The following CSMD1 variants were observed in gnomAD, a reference collection of about 807,000 sequenced individuals.
CSMD1 encodes the protein CUB and sushi domain-containing protein 1.
CSMD1 carries 213 observed loss-of-function variants against 417.5 expected under a neutral mutation model. The observed-to-expected ratio is 0.51, with a 90% CI of 0.46 to 0.57. The LOEUF is 0.57. Ranked by LOEUF, CSMD1 falls within the 20% of genes least tolerant of loss-of-function variation. The probability of loss-of-function intolerance (pLI) is 0.00; values close to 1 mark genes in which losing one functional copy is unlikely to be tolerated. For missense variants in CSMD1, 6,923 were observed against 4,529.7 expected (o/e 1.53, Z -15.17); for synonymous variants, 2,862 against 1,736.8 (o/e 1.65, Z -16.11).
At chr8:3,723,081 G>C (rs1405550540) in intron 6 of CSMD1, among the ~76,000 whole-genome samples, 1 of 152,164 alleles carries the variant, frequency 6.6e-6, no homozygotes, top group Non-Finnish European at 1.5e-5. Flanking sequence ...GAGTCCTAAG[G>C]AAGAATCCTT....
chr8:4,044,090 C>G (rs1447059320), intron 3 of CSMD1, among the ~76,000 whole-genome samples: 1 of 151,984 alleles, frequency 6.6e-6, no homozygotes, highest in Non-Finnish European at 1.5e-5. Flanking sequence ...TTGCTTGTCT[C>G]TGTGATATTA....
At position 4,850,315 on chromosome 8, in the gene CSMD1, G is replaced by A. The variant is rs375538309; in HGVS notation, c.85+144017C>T. Reference sequence around the variant, plus strand: ...AACATTTTCTCCCATTCTACGGCTTGTGTTTTTACTGTCTTAATGGTCTCT... The same window carrying A: ...AACATTTTCTCCCATTCTACGGCTTATGTTTTTACTGTCTTAATGGTCTCT... On this transcript the variant is annotated intron_variant, in intron 1 of 69. Coordinates refer to ENST00000635120, the MANE Select transcript of CSMD1 (RefSeq NM_033225.6). Among the ~76,000 whole-genome samples, 7 of 141,670 alleles carry A rather than the reference G, an allele frequency of 4.9e-5. No homozygotes were observed. The East Asian group carries it at 1.3e-3, about 26-fold the overall frequency. The allele number at this position is 141,670 out of a possible 152,430, so 92.9% of individuals were successfully genotyped here.
chr8:3,679,224 C>A (rs535992466), intron 7 of CSMD1, among the ~76,000 whole-genome samples: 28 of 152,178 alleles, frequency 1.8e-4, no homozygotes, highest in East Asian at 7.7e-4. Context: ...GCTCCAATTA[C>A]AAGACGCAGA....
chr8:4,021,036 G>A (rs550382953), intron 4 of CSMD1, among the ~76,000 whole-genome samples: 1 of 152,146 alleles, frequency 6.6e-6, no homozygotes, highest in Non-Finnish European at 1.5e-5. Flanking sequence ...ACGTAAGTGA[G>A]AATAAAACCC....
intron 5 of CSMD1, among the ~76,000 whole-genome samples, chr8:3,789,260 TC>T (rs2129066713): frequency 6.6e-6 from 1 of 152,206 alleles, no homozygotes; most frequent in East Asian, 1.9e-4. Context: ...GTTTTGGACT[TC>T]CCAGCCTCCT....
intron 3 of CSMD1, among the ~76,000 whole-genome samples, chr8:4,256,964 G>T (rs190557393): frequency 3.2e-4 from 48 of 152,260 alleles, no homozygotes; most frequent in African/African-American, 1.1e-3. Flanking sequence ...CTAATCACAG[G>T]CTGGAGGTAT....
intron 5 of CSMD1, among the ~76,000 whole-genome samples, chr8:3,879,911 C>T (rs955993582): frequency 2.0e-5 from 3 of 152,020 alleles, no homozygotes; most frequent in Non-Finnish European, 1.5e-5. Context: ...TCCCCTATAA[C>T]GAAATAGTGC....
intron 17 of CSMD1, among the ~76,000 whole-genome samples, chr8:3,395,060 G>T (rs752736336): frequency 1.1e-4 from 16 of 152,304 alleles, no homozygotes; most frequent in Admixed American, 3.9e-4. Flanking sequence ...GGCTCAGGGA[G>T]AGGGTAACAA....
At chr8:4,209,934 G>T (rs1448499514) in intron 3 of CSMD1, among the ~76,000 whole-genome samples, 1 of 152,216 alleles carries the variant, frequency 6.6e-6, no homozygotes, top group East Asian at 1.9e-4. Flanking sequence ...ACGTCTGGGT[G>T]TTGCTATGAC....
At chr8:4,095,143 G>T (rs572703136) in intron 3 of CSMD1, among the ~76,000 whole-genome samples, 9 of 152,268 alleles carry the variant, frequency 5.9e-5, no homozygotes, top group Non-Finnish European at 1.0e-4. Flanking sequence ...AGGAAGAGAG[G>T]TAGGATGTGC....
intron 1 of CSMD1, among the ~76,000 whole-genome samples, chr8:4,840,032 T>A (rs1453459592): frequency 6.6e-6 from 1 of 152,156 alleles, no homozygotes; most frequent in Non-Finnish European, 1.5e-5. Flanking sequence ...AAAGCCTGGT[T>A]TGGGGTTCAC....
At chr8:3,688,251 T>C (rs1259370894) in intron 7 of CSMD1, among the ~76,000 whole-genome samples, 1 of 152,198 alleles carries the variant, frequency 6.6e-6, no homozygotes, top group East Asian at 1.9e-4. Flanking sequence ...TTATTCAAAA[T>C]TACAAATATT....
At chr8:2,997,510 T>C (rs960336487) in intron 54 of CSMD1, among the ~76,000 whole-genome samples, 1 of 152,170 alleles carries the variant, frequency 6.6e-6, no homozygotes, top group African/African-American at 2.4e-5. Flanking sequence ...GGAAAGTAAT[T>C]GAAATGAAAT....
chr8:3,118,564 C>G lies in CSMD1; in HGVS notation c.6265G>C (p.Asp2089His). ...TACCCATTCTGAAATGGGGGTGGAT[C>G]TGGACAGTTCTGTAATTCATAGGCT... The part of the protein sequence containing the change: ...YQAYELQNCP[D>H]PPPFQNGYMI... The change falls in exon 42 of 70, where the codon GAT (aspartate) becomes CAT (histidine). Residue 2089 changes from aspartate (D) to histidine (H), a missense_variant. Physicochemically the swap from Asp to His is moderately conservative, Grantham distance 81 (BLOSUM62 -1). Coordinates refer to ENST00000635120, the MANE Select transcript of CSMD1 (RefSeq NM_033225.6). The G allele has an allele frequency of 6.2e-7, 1 of 1,613,472 alleles. No homozygotes were observed. Among genetic ancestry groups the G allele is most frequent in the Non-Finnish European group, 8.5e-7 (1 of 1,179,762 alleles).
intron 3 of CSMD1, among the ~76,000 whole-genome samples, chr8:4,393,774 G>C (rs766730513): frequency 6.6e-6 from 1 of 152,134 alleles, no homozygotes; most frequent in Non-Finnish European, 1.5e-5. Context: ...AACAGAAAAA[G>C]CTGCAATCCT....
intron 7 of CSMD1, among the ~76,000 whole-genome samples, chr8:3,623,771 T>C (rs1300048732): frequency 4.0e-5 from 6 of 150,182 alleles, no homozygotes; most frequent in African/African-American, 1.5e-4. Flanking sequence ...AGGTGAGGAG[T>C]TCAAGACTAG....
intron 3 of CSMD1, among the ~76,000 whole-genome samples, chr8:4,053,943 G>C (rs1368650497): frequency 6.6e-6 from 1 of 152,090 alleles, no homozygotes; most frequent in Non-Finnish European, 1.5e-5. Context: ...ACACATATCT[G>C]TGCATTCTTT....
At chr8:4,492,122 G>A (rs892532994) in intron 2 of CSMD1, among the ~76,000 whole-genome samples, 12 of 152,112 alleles carry the variant, frequency 7.9e-5, no homozygotes, top group African/African-American at 1.2e-4. Context: ...TTAGATACAG[G>A]GTCTTACGCT....
intron 10 of CSMD1, among the ~76,000 whole-genome samples, chr8:3,559,016 G>T (rs965482823): frequency 3.9e-5 from 6 of 152,198 alleles, no homozygotes; most frequent in Non-Finnish European, 8.8e-5. Context: ...GTGGTCTGGT[G>T]ACCTGTCATG....
Sources: gnomAD v4.1 joint callset for allele counts (sites outside exome capture counted in the v4.1 genomes callset) on GRCh38, gnomAD v4.1.1 for gene constraint, MANE v1.5 for transcripts, NCBI Gene and HGNC (gene_info 2026-07-23, HGNC 2026-07-21) for gene names.